The following PTPRQ variants were observed in gnomAD, a reference collection of about 807,000 sequenced individuals.
PTPRQ encodes phosphatidylinositol phosphatase PTPRQ.
PTPRQ carries 199 observed loss-of-function variants against 246.0 expected under a neutral mutation model. The ratio of observed to expected loss-of-function variants is 0.81; its 90% CI spans 0.72 to 0.91. The LOEUF (loss-of-function observed/expected upper bound fraction) is 0.91. Among genes scored for constraint, PTPRQ ranks in the 40% least tolerant of loss-of-function variants. The pLI, the probability that PTPRQ is intolerant of heterozygous loss-of-function variation, is 0.00. For synonymous variants in PTPRQ, 869 were observed against 853.2 expected (o/e 1.02, Z -0.32); for missense variants, 2,624 against 2,528.4 (o/e 1.04, Z -0.81).
intron 5 of PTPRQ, among the ~76,000 whole-genome samples, chr12:80,459,778 T>C (rs1397705699): frequency 6.6e-6 from 1 of 152,140 alleles, no homozygotes; most frequent in East Asian, 1.9e-4. Flanking sequence ...TGATACACCA[T>C]GGAGCAAGGA....
At chr12:80,527,764 T>C (rs185341727) in intron 17 of PTPRQ, among the ~76,000 whole-genome samples, 20 of 152,188 alleles carry the variant, frequency 1.3e-4, no homozygotes, top group African/African-American at 4.6e-4. Flanking sequence ...GGTGGGCAGA[T>C]GGCTTGATCC....
intron 17 of PTPRQ, among the ~76,000 whole-genome samples, chr12:80,528,908 CT>C (rs754829039): frequency 8.5e-5 from 13 of 152,130 alleles, no homozygotes; most frequent in Admixed American, 1.3e-4. Context: ...TTAAATGTAT[CT>C]TTCCTACCAA....
At position 80,634,978 on chromosome 12, in the gene PTPRQ, C is replaced by T. The variant is rs1267356743; in HGVS notation, c.5820C>T (p.Tyr1940=). 6.4e-7 allele frequency: 1 copy of T among 1,551,076 alleles called. No homozygotes were observed. Reference sequence around the variant, plus strand: ...AGAAGCAGAAAGAAGGTGGCACATACTCTCCTCAGGATGCAGAAATTATTG... The same window carrying T: ...AGAAGCAGAAAGAAGGTGGCACATATTCTCCTCAGGATGCAGAAATTATTG... ...IRQKQKEGGT[Y]SPQDAEIIDT... is the part of the protein sequence containing the mutation. The change falls in exon 35 of 45, where the codon TAC becomes TAT. Residue 1940 remains tyrosine, a synonymous_variant. Coordinates refer to ENST00000644991, the MANE Select transcript of PTPRQ (RefSeq NM_001145026.2).
intron 26 of PTPRQ, among the ~76,000 whole-genome samples, chr12:80,590,023 A>C (rs938795405): frequency 3.3e-5 from 5 of 152,178 alleles, no homozygotes; most frequent in African/African-American, 1.2e-4. Flanking sequence ...TACTATTTCC[A>C]GTCCTGAATG....
At chr12:80,521,602 C>A (rs530492581) in intron 17 of PTPRQ, among the ~76,000 whole-genome samples, 1 of 152,112 alleles carries the variant, frequency 6.6e-6, no homozygotes, top group South Asian at 2.1e-4. Context: ...TTTCCCAGCA[C>A]CATTTATTAA....
intron 17 of PTPRQ, among the ~76,000 whole-genome samples, chr12:80,510,982 C>A (rs1257741234): frequency 1.3e-5 from 2 of 152,126 alleles, no homozygotes; most frequent in Admixed American, 1.3e-4. Flanking sequence ...TGTTAGTTAG[C>A]ATGCTTATAC....
intron 35 of PTPRQ, among the ~76,000 whole-genome samples, chr12:80,638,698 C>CT (rs1225592889): frequency 3.3e-5 from 5 of 152,130 alleles, no homozygotes; most frequent in African/African-American, 1.2e-4. Context: ...TTCTCTCACT[C>CT]TATCATTCTA....
rs75451868 is a variant in PTPRQ, at chr12:80,509,186, A to G, written c.2558-1137A>G. Among the ~76,000 whole-genome samples the G allele has an allele frequency of 2.4e-3, 368 of 152,186 alleles. 13 individuals are homozygous for G. The East Asian group carries it at 0.058, about 24-fold the overall frequency. ...GAAAATACCAAATACAGCTATCACT[A>G]TTATTCCTTATAACTTGTCTCATAA... On this transcript the variant is annotated intron_variant, in intron 16 of 44. Coordinates refer to ENST00000644991, the MANE Select transcript of PTPRQ (RefSeq NM_001145026.2).
intron 6 of PTPRQ, among the ~76,000 whole-genome samples, chr12:80,466,574 G>A (rs1893424484): frequency 6.6e-6 from 1 of 152,172 alleles, no homozygotes; most frequent in Non-Finnish European, 1.5e-5. Flanking sequence ...AAAGAACAAA[G>A]CTGGAGGCAT....
chr12:80,644,469 GT>G (rs374443217), intron 35 of PTPRQ, among the ~76,000 whole-genome samples: 2,571 of 151,146 alleles, frequency 0.017, 57 homozygotes, highest in African/African-American at 0.053. Context: ...CCATTTAACA[GT>G]TTTTTTTTAA....
intron 43 of PTPRQ, among the ~76,000 whole-genome samples, chr12:80,676,788 A>G (rs975571647): frequency 1.3e-5 from 2 of 152,178 alleles, no homozygotes; most frequent in African/African-American, 4.8e-5. Context: ...GTGTGAACTC[A>G]TATAGGGGAA....
intron 15 of PTPRQ, 85 bp from the exon 16 acceptor site, chr12:80,506,484 T>C (rs1894963292): frequency 9.1e-7 from 1 of 1,098,696 alleles, no homozygotes; most frequent in Non-Finnish European, 1.3e-6. Context: ...GAAGATTGTG[T>C]TGACAGCCAT....
At chr12:80,511,043 A>G (rs1895111115) in intron 17 of PTPRQ, among the ~76,000 whole-genome samples, 2 of 152,244 alleles carry the variant, frequency 1.3e-5, no homozygotes, top group Non-Finnish European at 2.9e-5. Context: ...TGTAATGTAA[A>G]TCCTCTTTAG....
Position 80,445,534 on chromosome 12 carries a change from T to A in PTPRQ, c.207T>A (p.Ser69=), listed in dbSNP as rs2120383783. 1 of 1,549,054 alleles carries A rather than the reference T, an allele frequency of 6.5e-7. No individual in the cohort carries two copies. The highest frequency in any genetic ancestry group is 1.4e-5 in the African/African-American group (1 of 73,052). Residue 69 remains serine (S), a synonymous_variant, in exon 3 of 45, where the codon TCT becomes TCA. Coordinates refer to ENST00000644991, the MANE Select transcript of PTPRQ (RefSeq NM_001145026.2). ...PVFLAGERVG[S]AGILLSWNTP... The stretch of plus-strand genomic sequence containing the variant: ...TCCTAGCCGGGGAAAGAGTCGGATC[T>A]GCTGGGATTCTTCTGTCTTGGAATA...
chr12:80,479,654 T>C (rs1893960705), intron 8 of PTPRQ, among the ~76,000 whole-genome samples: 2 of 139,962 alleles, frequency 1.4e-5, no homozygotes, highest in South Asian at 2.3e-4. Flanking sequence ...GAGACACACA[T>C]AGGCTCAAAA....
At chr12:80,558,000 C>A (rs2120903803) in intron 25 of PTPRQ, among the ~76,000 whole-genome samples, 1 of 151,912 alleles carries the variant, frequency 6.6e-6, no homozygotes, top group Non-Finnish European at 1.5e-5. Context: ...AAAAGACATT[C>A]AACCAAGTTT....
At chr12:80,642,919 T>TAAAAAAAAA (rs902888826) in intron 35 of PTPRQ, among the ~76,000 whole-genome samples, 1 of 77,242 alleles carries the variant, frequency 1.3e-5, no homozygotes, top group East Asian at 4.2e-4. Flanking sequence ...GACTCCGTCT[T>TAAAAAAAAA]AAAAAAAAAA....
At chr12:80,539,971 T>A in intron 20 of PTPRQ, 27 bp downstream of exon 20, 1 of 1,412,732 alleles carries the variant, frequency 7.1e-7, no homozygotes, top group Non-Finnish European at 9.3e-7. Flanking sequence ...CACTAATCTT[T>A]AATATGATTA....
At chr12:80,484,861 T>C (rs1371304477) in intron 9 of PTPRQ, among the ~76,000 whole-genome samples, 1 of 152,204 alleles carries the variant, frequency 6.6e-6, no homozygotes, top group Non-Finnish European at 1.5e-5. Flanking sequence ...TAAAGGTATT[T>C]TCATAAGTTA....
Sources: allele counts gnomAD v4.1 joint callset (sites outside exome capture counted in the v4.1 genomes callset), GRCh38; gene constraint gnomAD v4.1.1; transcripts MANE v1.5; gene names NCBI Gene and HGNC (gene_info 2026-07-23, HGNC 2026-07-21).